The following BCAS3 variants were observed in gnomAD, a reference collection of about 807,000 sequenced individuals.
BCAS3 encodes BCAS4/BCAS3 fusion.
BCAS3 carries 53 observed loss-of-function variants against 116.1 expected under a neutral mutation model. The observed-to-expected ratio is 0.46, with a 90% CI of 0.37 to 0.57. BCAS3 has a LOEUF of 0.57. Among genes scored for constraint, BCAS3 ranks in the 20% least tolerant of loss-of-function variants. The probability of loss-of-function intolerance (pLI) is 0.00; values close to 1 mark genes in which losing one functional copy is unlikely to be tolerated. For synonymous variants in BCAS3, 391 were observed against 408.2 expected (o/e 0.96, Z 0.51); for missense variants, 917 against 1,165.4 (o/e 0.79, Z 3.10).
chr17:61,215,895 A>T lies in BCAS3; in HGVS notation c.2425+131331A>T, dbSNP rs1361473619. On this transcript the variant is annotated intron_variant, in intron 22 of 23. Transcript: ENST00000407086. The surrounding 1 kb of genome is among the most constrained non-coding windows in gnomAD (Gnocchi z 4.8). ...ATTCTAGTGTACAGCCAGATTTGAA[A>T]ACCTTTGTCTTAGTCAGATCTCTGT... Among the ~76,000 whole-genome samples, 1 of 152,198 alleles carries T rather than the reference A, an allele frequency of 6.6e-6. No homozygotes were observed. The highest frequency in any genetic ancestry group is 1.5e-5 in the Non-Finnish European group (1 of 68,034).
At chr17:61,086,336 A>G (rs901053795) in intron 22 of BCAS3, among the ~76,000 whole-genome samples, 1 of 152,056 alleles carries the variant, frequency 6.6e-6, no homozygotes, top group African/African-American at 2.4e-5. Flanking sequence ...CAGGTGATCC[A>G]CCTGCCTCAG....
rs1041340923 is a variant in BCAS3, at chr17:60,739,201, C to T, written c.322-7997C>T. On this transcript the variant is annotated intron_variant, in intron 5 of 23. Transcript: ENST00000407086. Reference sequence around the variant, plus strand: ...CTTGTATCATTGCTGTCATTTATTTCACATATGCATAAGTGCATATATATA... The same window carrying T: ...CTTGTATCATTGCTGTCATTTATTTTACATATGCATAAGTGCATATATATA... Among the ~76,000 whole-genome samples the T allele has an allele frequency of 2.6e-5, 4 of 152,104 alleles. 1 individual carries two copies. The highest frequency in any genetic ancestry group is 2.6e-4 in the Admixed American group (4 of 15,268).
intron 7 of BCAS3, among the ~76,000 whole-genome samples, chr17:60,854,949 G>GTTTTTTTTTTTTTTTT (rs1267985905): frequency 4.1e-5 from 5 of 121,932 alleles, no homozygotes; most frequent in East Asian, 2.4e-4. Context: ...TTTCAGTGAG[G>GTTTTTTTTTTTTTTTT]TTTTTTTTTT....
chr17:60,845,186 G>A (rs544349744), intron 7 of BCAS3, among the ~76,000 whole-genome samples: 3 of 152,298 alleles, frequency 2.0e-5, no homozygotes, highest in South Asian at 2.1e-4. Context: ...CCAAGATTGC[G>A]CCATTGCACT....
chr17:61,166,871 T>A (rs1008162766), intron 22 of BCAS3, among the ~76,000 whole-genome samples: 1 of 152,050 alleles, frequency 6.6e-6, no homozygotes, highest in Non-Finnish European at 1.5e-5. Context: ...TGTGCCACCA[T>A]GACTGGCTAA....
rs183018272 is a variant in BCAS3, at chr17:60,843,914, G to A, written c.477-24662G>A. ...CCTACTAGAATATGTTCAACAGTGG[G>A]AAGGATTTTGCCCTGTTTTGCGCTC... On this transcript the variant is annotated intron_variant, in intron 7 of 23. Transcript: ENST00000407086. 3.9e-5 allele frequency among the ~76,000 whole-genome samples: 6 copies of A among 152,306 alleles called. No individual in the cohort carries two copies. The South Asian group carries it at 1.2e-3, about 32-fold the overall frequency.
intron 20 of BCAS3, among the ~76,000 whole-genome samples, chr17:61,076,415 C>T (rs2071992904): frequency 6.6e-6 from 1 of 152,130 alleles, no homozygotes; most frequent in South Asian, 2.1e-4. Context: ...TTTCATCACA[C>T]CAAAAATATT....
In BCAS3 at chr17:60,994,652, C is replaced by T. The variant is rs1228932559; in HGVS notation, c.1486+4417C>T. On this transcript the variant is annotated intron_variant, in intron 15 of 23. Transcript: ENST00000407086. This position sits in a 1 kb window ranked among gnomAD's most constrained non-coding sequence, Gnocchi z 4.4. Reference sequence around the variant, plus strand: ...TTTCCAGCTTCTTGTCTAACCATACCTAGATTTCTGTACCCTTCCCTGAAT... The same window carrying T: ...TTTCCAGCTTCTTGTCTAACCATACTTAGATTTCTGTACCCTTCCCTGAAT... 6.6e-6 allele frequency among the ~76,000 whole-genome samples: 1 copy of T among 152,152 alleles called. No individual in the cohort carries two copies. Among genetic ancestry groups the T allele is most frequent in the Non-Finnish European group, 1.5e-5 (1 of 68,016 alleles).
intron 6 of BCAS3, among the ~76,000 whole-genome samples, chr17:60,748,053 A>T (rs1279259368): frequency 6.6e-6 from 1 of 152,082 alleles, no homozygotes; most frequent in Non-Finnish European, 1.5e-5. Flanking sequence ...AATCATAATA[A>T]TCATGTTTGG....
chr17:60,895,075 A>G (rs1362346508), intron 10 of BCAS3, among the ~76,000 whole-genome samples: 1 of 152,118 alleles, frequency 6.6e-6, no homozygotes, highest in East Asian at 1.9e-4. Context: ...TGTTGGCTTC[A>G]TAGAATGAGT....
intron 19 of BCAS3, among the ~76,000 whole-genome samples, chr17:61,045,866 A>AAT (rs1555684835): frequency 5.9e-5 from 2 of 33,866 alleles, no homozygotes; most frequent in Non-Finnish European, 8.3e-5. Context: ...TATATATATA[A>AAT]ATATATATAA....
intron 7 of BCAS3, among the ~76,000 whole-genome samples, chr17:60,850,538 T>C (rs184077424): frequency 6.6e-6 from 1 of 152,010 alleles, no homozygotes; most frequent in East Asian, 1.9e-4. Flanking sequence ...TTTGTATTTT[T>C]AGTAGAGATG....
chr17:61,292,376 C>T (rs2052506029), intron 22 of BCAS3, among the ~76,000 whole-genome samples: 1 of 152,066 alleles, frequency 6.6e-6, no homozygotes, highest in Non-Finnish European at 1.5e-5. Flanking sequence ...AGGGGCCGGG[C>T]ATGGTGGCTC....
intron 15 of BCAS3, among the ~76,000 whole-genome samples, chr17:61,003,360 T>C (rs2064399201): frequency 1.3e-5 from 2 of 151,232 alleles, no homozygotes; most frequent in South Asian, 4.2e-4. Flanking sequence ...TTTTTTGTGC[T>C]CCTTTTATTA....
intron 19 of BCAS3, among the ~76,000 whole-genome samples, chr17:61,059,063 CTTTTTTTTTTTTTTTTTTTTTTTT>C (rs869090870): frequency 1.5e-4 from 5 of 32,780 alleles, no homozygotes; most frequent in Admixed American, 4.2e-4. Flanking sequence ...TTCTCCCCAT[CTTTTTTTTTTTTTTTTTTTTTTTT>C]TTTTTTTTTT....
intron 22 of BCAS3, among the ~76,000 whole-genome samples, chr17:61,284,362 C>T (rs2051536632): frequency 6.6e-6 from 1 of 152,198 alleles, no homozygotes; most frequent in Non-Finnish European, 1.5e-5. Context: ...TAACACTCAC[C>T]AGGAAGGTCT....
chr17:61,043,236 C>T lies in BCAS3; in HGVS notation c.2029+2344C>T, dbSNP rs146251012. On this transcript the variant is annotated intron_variant, in intron 19 of 23. Transcript: ENST00000407086. Reference sequence around the variant, plus strand: ...CAAAAAAATCACCCAGGTGTGGTGGCGTGCACCTGTACTCCCAGCTACTCA... The same window carrying T: ...CAAAAAAATCACCCAGGTGTGGTGGTGTGCACCTGTACTCCCAGCTACTCA... Among the ~76,000 whole-genome samples, 314 of 151,872 alleles carry T rather than the reference C, an allele frequency of 2.1e-3. 2 individuals are homozygous for T. Among genetic ancestry groups the T allele is most frequent in the African/African-American group, 7.1e-3 (295 of 41,462 alleles).
chr17:60,753,243 T>G (rs2042654981), intron 6 of BCAS3, among the ~76,000 whole-genome samples: 1 of 152,106 alleles, frequency 6.6e-6, no homozygotes. Context: ...TTCTCATTGA[T>G]TTGAGCCCTT....
chr17:61,354,141 A>T lies in BCAS3; in HGVS notation c.2426-14186A>T, dbSNP rs1264008101. ...CTGAGACCTTCACAGAAGGTCGCAC[A>T]ACCACCCTGGACGGTGAGAAACTAA... On this transcript the variant is annotated intron_variant, in intron 22 of 23. Transcript: ENST00000407086. This position sits in a 1 kb window ranked among gnomAD's most constrained non-coding sequence, Gnocchi z 4.5. The T allele has an allele frequency of 1.3e-5, 2 of 152,164 alleles. No homozygotes were observed. Among genetic ancestry groups the T allele is most frequent in the African/African-American group, 4.8e-5 (2 of 41,438 alleles). 9.4% of individuals were successfully genotyped at this position (152,164 alleles called of 1,614,324 possible).
Sources: gnomAD v4.1 joint callset for allele counts (sites outside exome capture counted in the v4.1 genomes callset) on GRCh38, gnomAD v4.1.1 for gene constraint, Gnocchi (gnomAD v3.1) non-coding constraint, MANE v1.5 for transcripts, NCBI Gene and HGNC (gene_info 2026-07-23, HGNC 2026-07-21) for gene names.